RHOH: variants seen among roughly 807,000 people sequenced by gnomAD.
RHOH encodes the protein ras homolog family member H.
Under a neutral mutation model 13.8 loss-of-function variants are expected in RHOH, and 6 were observed. The ratio of observed to expected loss-of-function variants is 0.44; its 90% CI spans 0.24 to 0.86. The LOEUF (loss-of-function observed/expected upper bound fraction) is 0.86. Among genes scored for constraint, RHOH ranks in the 40% least tolerant of loss-of-function variants. The pLI, the probability that RHOH is intolerant of heterozygous loss-of-function variation, is 0.24. For synonymous variants in RHOH, 117 were observed against 103.0 expected (o/e 1.14, Z -0.82); for missense variants, 147 against 244.5 (o/e 0.60, Z 2.66).
intron 1 of RHOH, among the ~76,000 whole-genome samples, chr4:40,198,084 T>G (rs1723453909): frequency 6.6e-6 from 1 of 152,158 alleles, no homozygotes; most frequent in Non-Finnish European, 1.5e-5. Flanking sequence ...CTGGTAGTTG[T>G]GATAAGAAGT....
At chr4:40,237,290 T>TA (rs1728699385) in intron 1 of RHOH, among the ~76,000 whole-genome samples, 1 of 151,978 alleles carries the variant, frequency 6.6e-6, no homozygotes, top group South Asian at 2.1e-4. Flanking sequence ...CCTTCTCTAC[T>TA]AAAAAATACA....
chr4:40,193,450 C>T (rs1274691227), upstream of RHOH, among the ~76,000 whole-genome samples: 3 of 121,604 alleles, frequency 2.5e-5, no homozygotes, highest in African/African-American at 3.1e-5. Context: ...CTACCCCTGT[C>T]GGTTAAAAGT....
chr4:40,217,878 G>A lies in RHOH; in HGVS notation c.-331+20578G>A, dbSNP rs530493852. On this transcript the variant is annotated intron_variant, in intron 1 of 2. Transcript: ENST00000381799. Reference sequence around the variant, plus strand: ...TAGCTGTGTGTGCTACTCGAGTGGCGTCAAAGATGGATGTCCAACTCCATA... The same window carrying A: ...TAGCTGTGTGTGCTACTCGAGTGGCATCAAAGATGGATGTCCAACTCCATA... 1.4e-4 allele frequency among the ~76,000 whole-genome samples: 21 copies of A among 152,246 alleles called. No individual in the cohort carries two copies. The East Asian group carries it at 3.3e-3, about 24-fold the overall frequency.
intron 1 of RHOH, among the ~76,000 whole-genome samples, chr4:40,211,740 T>A (rs542018410): frequency 6.6e-6 from 1 of 152,330 alleles, no homozygotes; most frequent in African/African-American, 2.4e-5. Context: ...GTTCTGATAG[T>A]TCCGTTAGTT....
chr4:40,220,089 A>G (rs16995646), intron 1 of RHOH, among the ~76,000 whole-genome samples: 1,974 of 152,210 alleles, frequency 0.013, 48 homozygotes, highest in African/African-American at 0.045. Flanking sequence ...GCTTTTTACA[A>G]ATTGGCCCCA....
At chr4:40,241,754 G>A (rs116525256) in intron 1 of RHOH, among the ~76,000 whole-genome samples, 9,185 of 152,066 alleles carry the variant, frequency 0.06, 897 homozygotes, top group African/African-American at 0.2. Flanking sequence ...GCCCGGTGTG[G>A]TGGCACACAC....
At chr4:40,229,634 CAAAA>C (rs367803825) in intron 1 of RHOH, among the ~76,000 whole-genome samples, 3 of 62,884 alleles carry the variant, frequency 4.8e-5, no homozygotes, top group Admixed American at 1.8e-4. Context: ...AACGCCATCT[CAAAA>C]AAAAAAAAAA....
chr4:40,194,343 C>T (rs541846383), upstream of RHOH, among the ~76,000 whole-genome samples: 2 of 152,174 alleles, frequency 1.3e-5, no homozygotes, highest in South Asian at 2.1e-4. Context: ...ATTATCCTGC[C>T]TCAGCCTCTC....
chr4:40,201,332 G>A (rs1723957140), intron 1 of RHOH, among the ~76,000 whole-genome samples: 1 of 150,042 alleles, frequency 6.7e-6, no homozygotes, highest in African/African-American at 2.5e-5. Flanking sequence ...TTGTCACACA[G>A]ATGGGAACAG....
At chr4:40,223,489 T>A (rs113055791) in intron 1 of RHOH, among the ~76,000 whole-genome samples, 4 of 115,996 alleles carry the variant, frequency 3.4e-5, no homozygotes, top group South Asian at 5.2e-4. Context: ...TTTTTTTTTT[T>A]AGAGAGGGTC....
chr4:40,214,839 T>C (rs950039764), intron 1 of RHOH, among the ~76,000 whole-genome samples: 24 of 152,276 alleles, frequency 1.6e-4, no homozygotes, highest in Admixed American at 1.3e-3. Flanking sequence ...CCTTCCACTC[T>C]GAGTCCCTGT....
At chr4:40,224,955 G>C (rs2109474459) in intron 1 of RHOH, among the ~76,000 whole-genome samples, 1 of 152,284 alleles carries the variant, frequency 6.6e-6, no homozygotes, top group East Asian at 1.9e-4. Context: ...TGTCATCCAG[G>C]CTGGAGTGCA....
chr4:40,195,871 G>A (rs779950831), upstream of RHOH, among the ~76,000 whole-genome samples: 1 of 152,192 alleles, frequency 6.6e-6, no homozygotes, highest in Non-Finnish European at 1.5e-5. Context: ...TGGAAGTCTT[G>A]TGAACTTGGT....
upstream of RHOH, among the ~76,000 whole-genome samples, chr4:40,195,724 G>A (rs1257473664): frequency 2.6e-5 from 4 of 151,976 alleles, no homozygotes; most frequent in Admixed American, 6.5e-5. Context: ...GGCATTACAG[G>A]TGTGAGCCAC....
intron 1 of RHOH, among the ~76,000 whole-genome samples, chr4:40,230,642 AG>A (rs1398063606): frequency 1.3e-5 from 2 of 151,864 alleles, no homozygotes; most frequent in East Asian, 3.9e-4. Flanking sequence ...TACAGACGTG[AG>A]CCACCGCGCC....
intron 1 of RHOH, among the ~76,000 whole-genome samples, chr4:40,198,514 G>T (rs917078060): frequency 6.6e-6 from 1 of 152,230 alleles, no homozygotes; most frequent in Non-Finnish European, 1.5e-5. Flanking sequence ...CACGGCACCA[G>T]CAGAATTCCA....
upstream of RHOH, chr4:40,193,157 A>G (rs1722780134): frequency 6.6e-6 from 1 of 152,586 alleles, no homozygotes; most frequent in Non-Finnish European, 1.5e-5. Flanking sequence ...ACGACGTGCT[A>G]TGGAGCCCTT....
chr4:40,204,915 A>G (rs933354730), intron 1 of RHOH, among the ~76,000 whole-genome samples: 1 of 152,230 alleles, frequency 6.6e-6, no homozygotes, highest in Non-Finnish European at 1.5e-5. Context: ...CAGTCTCTCA[A>G]GATGCCACTT....
intron 1 of RHOH, among the ~76,000 whole-genome samples, chr4:40,199,985 T>A (rs1723751404): frequency 6.6e-6 from 1 of 152,202 alleles, no homozygotes; most frequent in African/African-American, 2.4e-5. Flanking sequence ...ACGGTGATAG[T>A]GTTCCTTCTA....
Sources: allele counts gnomAD v4.1 joint callset (sites outside exome capture counted in the v4.1 genomes callset), GRCh38; gene constraint gnomAD v4.1.1; transcripts MANE v1.5; gene names NCBI Gene and HGNC (gene_info 2026-07-23, HGNC 2026-07-21).